The following SLC10A7 variants were observed in gnomAD, a reference collection of about 807,000 sequenced individuals.
The protein encoded by SLC10A7 is sodium/bile acid cotransporter 7.
Under a neutral mutation model 43.2 loss-of-function variants are expected in SLC10A7, and 29 were observed. The ratio of observed to expected loss-of-function variants is 0.67; its 90% CI spans 0.50 to 0.92. SLC10A7 has a LOEUF of 0.92. Ranked by LOEUF, SLC10A7 falls within the 40% of genes least tolerant of loss-of-function variation. The probability of loss-of-function intolerance (pLI) is 0.00; values close to 1 mark genes in which losing one functional copy is unlikely to be tolerated. For missense variants in SLC10A7, 295 were observed against 403.2 expected, an observed-to-expected ratio of 0.73 and a Z score of 2.30; for synonymous variants, 152 against 144.8, an observed-to-expected ratio of 1.05 and a Z score of -0.35.
At chr4:146,306,549 T>A (rs1189055629) in intron 6 of SLC10A7, among the ~76,000 whole-genome samples, 1 of 152,196 alleles carries the variant, frequency 6.6e-6, no homozygotes, top group Non-Finnish European at 1.5e-5. Context: ...CAACTTAAAA[T>A]TTCAATATAG....
intron 5 of SLC10A7, among the ~76,000 whole-genome samples, chr4:146,382,847 A>T (rs1434499374): frequency 1.3e-5 from 2 of 152,058 alleles, no homozygotes; most frequent in Admixed American, 6.6e-5. Flanking sequence ...TCCAAAACTC[A>T]ATCTTGACCC....
intron 4 of SLC10A7, among the ~76,000 whole-genome samples, chr4:146,444,482 A>C (rs1326428105): frequency 6.6e-6 from 1 of 152,206 alleles, no homozygotes; most frequent in Admixed American, 6.5e-5. Flanking sequence ...GACAAATAAT[A>C]TCATACTCAT....
In SLC10A7 at chr4:146,521,791, G is replaced by A; in HGVS notation, c.-74C>T. 8.1e-7 allele frequency: 1 copy of A among 1,239,908 alleles called. No homozygotes were observed. The allele number at this position is 1,239,908 out of a possible 1,614,324, so 76.8% of individuals were successfully genotyped here. On this transcript the variant is annotated 5_prime_UTR_variant, in exon 1 of 12. It introduces an in-frame stop codon into an upstream open reading frame of the 5' UTR. Coordinates refer to ENST00000335472, the MANE Select transcript of SLC10A7 (RefSeq NM_001029998.6). ...TTCAAGCTCCGATCACCTAATCCTT[G>A]GAGCGTCTCCACACTTTCCTTGGTC...
At chr4:146,276,633 C>T (rs1196003829) in intron 10 of SLC10A7, among the ~76,000 whole-genome samples, 1 of 152,108 alleles carries the variant, frequency 6.6e-6, no homozygotes, top group Non-Finnish European at 1.5e-5. Context: ...CTGCTTCCTA[C>T]ATGGTATCAG....
chr4:146,460,838 T>A (rs943475651), intron 4 of SLC10A7, among the ~76,000 whole-genome samples: 2 of 151,986 alleles, frequency 1.3e-5, no homozygotes, highest in Non-Finnish European at 2.9e-5. Context: ...AGTTTTTAGA[T>A]CATAAAAATT....
At chr4:146,486,724 C>T (rs945320517) in intron 4 of SLC10A7, among the ~76,000 whole-genome samples, 1 of 152,194 alleles carries the variant, frequency 6.6e-6, no homozygotes, top group Non-Finnish European at 1.5e-5. Flanking sequence ...AAGACCTCAG[C>T]TTTGCTTTCA....
chr4:146,368,997 T>C (rs537195361), intron 5 of SLC10A7, among the ~76,000 whole-genome samples: 1 of 152,344 alleles, frequency 6.6e-6, no homozygotes, highest in South Asian at 2.1e-4. Flanking sequence ...CCTTTTTACT[T>C]GATGACCTGC....
At chr4:146,355,417 A>G (rs1735504749) in intron 5 of SLC10A7, among the ~76,000 whole-genome samples, 1 of 152,234 alleles carries the variant, frequency 6.6e-6, no homozygotes, top group African/African-American at 2.4e-5. Flanking sequence ...GTGGAGAAAT[A>G]GGAACACGTT....
chr4:146,415,761 A>C (rs1728515137), intron 5 of SLC10A7, among the ~76,000 whole-genome samples: 1 of 152,244 alleles, frequency 6.6e-6, no homozygotes. Flanking sequence ...AGTAAAGTAT[A>C]CTTTGAGTTC....
chr4:146,481,605 T>C (rs1269638917), intron 4 of SLC10A7, among the ~76,000 whole-genome samples: 1 of 152,196 alleles, frequency 6.6e-6, no homozygotes, highest in Admixed American at 6.5e-5. Flanking sequence ...GTTATGCAAG[T>C]ACTATGCTGT....
intron 11 of SLC10A7, among the ~76,000 whole-genome samples, chr4:146,257,151 T>G (rs1348352412): frequency 6.6e-6 from 1 of 152,224 alleles, no homozygotes; most frequent in Non-Finnish European, 1.5e-5. Context: ...ATGTACAAAT[T>G]CTGACTGACA....
At chr4:146,256,694 C>G (rs1727906300) in intron 11 of SLC10A7, 174 bp from the exon 12 acceptor site, 1 of 980,516 alleles carries the variant, frequency 1.0e-6, no homozygotes, top group African/African-American at 1.8e-5. Context: ...GCCCACCTCT[C>G]TGGCCAGCAG....
chr4:146,438,724 A>G (rs1271707509), intron 5 of SLC10A7, among the ~76,000 whole-genome samples: 1 of 152,090 alleles, frequency 6.6e-6, no homozygotes, highest in Non-Finnish European at 1.5e-5. Flanking sequence ...TTCAGCCTCC[A>G]AATCAAAAAT....
chr4:146,492,545 A>AT (rs1457795721), intron 4 of SLC10A7, among the ~76,000 whole-genome samples: 4 of 151,824 alleles, frequency 2.6e-5, no homozygotes, highest in Non-Finnish European at 4.4e-5. Flanking sequence ...ATTTCTTTGT[A>AT]TTTTTTTGGA....
intron 1 of SLC10A7, 61 bp downstream of exon 1, chr4:146,521,557 G>A (rs1378458746): frequency 2.1e-6 from 3 of 1,427,550 alleles, no homozygotes; most frequent in African/African-American, 2.8e-5. Flanking sequence ...ACCTTTCCAA[G>A]ACTCACAAAT....
At position 146,256,249 on chromosome 4, in the gene SLC10A7, G is replaced by A. The variant is rs1242076804; in HGVS notation, c.*242C>T. The stretch of plus-strand genomic sequence containing the variant: ...TTGTCACTTACCATGACTGATTCCT[G>A]CATTAGGAAAGCAAAATTAACCCCC... On this transcript the variant is annotated 3_prime_UTR_variant, in exon 12 of 12. Transcript: ENST00000335472. 2.4e-5 allele frequency: 13 copies of A among 534,826 alleles called. No individual in the cohort carries two copies. Among genetic ancestry groups the A allele is most frequent in the Non-Finnish European group, 4.0e-5 (12 of 299,210 alleles). The allele number at this position is 534,826 out of a possible 1,614,324, so 33.1% of individuals were successfully genotyped here. A position where few individuals can be genotyped will look rare whatever the true frequency, so the allele number is the denominator to read the frequency against.
chr4:146,511,969 C>CT (rs765683134), intron 2 of SLC10A7, among the ~76,000 whole-genome samples: 71,793 of 98,952 alleles, frequency 0.73, 27,226 homozygotes, highest in South Asian at 0.86. Flanking sequence ...TGCATATACT[C>CT]TTTTTTTTTT....
At position 146,417,996 on chromosome 4, in the gene SLC10A7, C is replaced by A. The variant is rs1728693057; in HGVS notation, c.435+24787G>T. ...CCTGTGAGTTCTGAACAGACAATAT[C>A]TGAACAGATGATGATGATGATGATG... is the stretch of plus-strand genomic sequence containing the variant. On this transcript the variant is annotated intron_variant, in intron 5 of 11. Transcript: ENST00000335472. Among the ~76,000 whole-genome samples, 3 of 122,998 alleles carry A rather than the reference C, an allele frequency of 2.4e-5. No individual in the cohort carries two copies. In the Admixed American group the frequency reaches 2.6e-4, roughly 11 times the overall value. The allele number at this position is 122,998 out of a possible 152,430, so 80.7% of individuals were successfully genotyped here.
chr4:146,462,040 T>C (rs1182588643), intron 4 of SLC10A7, among the ~76,000 whole-genome samples: 1 of 152,028 alleles, frequency 6.6e-6, no homozygotes, highest in South Asian at 2.1e-4. Flanking sequence ...AAGTGAATGA[T>C]AAAATAAGCT....
Sources: gnomAD v4.1 joint callset for allele counts (sites outside exome capture counted in the v4.1 genomes callset) on GRCh38, gnomAD v4.1.1 for gene constraint, MANE v1.5 for transcripts, NCBI Gene and HGNC (gene_info 2026-07-23, HGNC 2026-07-21) for gene names.